Variants in TOLLIP observed in about 807,000 individuals in gnomAD.
The protein encoded by TOLLIP is toll-interacting protein.
Under a neutral mutation model 33.5 loss-of-function variants are expected in TOLLIP, and 16 were observed. That is an observed-to-expected ratio of 0.48 (90% CI 0.32 to 0.72). TOLLIP has a LOEUF of 0.72. TOLLIP is among the 30% of genes least tolerant of loss of function. The pLI, the probability that TOLLIP is intolerant of heterozygous loss-of-function variation, is 0.03. For missense variants in TOLLIP, 325 were observed against 396.6 expected (o/e 0.82, Z 1.53); for synonymous variants, 176 against 163.7 (o/e 1.07, Z -0.57).
chr11:1,279,654 C>T (rs1218972106), intron 5 of TOLLIP, among the ~76,000 whole-genome samples: 1 of 152,248 alleles, frequency 6.6e-6, no homozygotes, highest in Non-Finnish European at 1.5e-5. Context: ...ATGTGCAGCA[C>T]AGGACAGGCC....
intron 1 of TOLLIP, among the ~76,000 whole-genome samples, chr11:1,299,106 C>T (rs1564978221): frequency 1.3e-5 from 2 of 152,230 alleles, no homozygotes; most frequent in Admixed American, 6.5e-5. Flanking sequence ...GAGCGTCGGC[C>T]AGGGGACATG....
chr11:1,304,749 C>T (rs1301552547), intron 1 of TOLLIP, among the ~76,000 whole-genome samples: 1 of 152,120 alleles, frequency 6.6e-6, no homozygotes, highest in African/African-American at 2.4e-5. Context: ...TGAGATAAAA[C>T]AACTGAATTT....
rs1283488472 is a variant in TOLLIP at position 1,303,384 on chromosome 11, G to C, written c.33+6082C>G. On this transcript the variant is annotated intron_variant, in intron 1 of 5. Coordinates refer to ENST00000317204, the MANE Select transcript of TOLLIP (RefSeq NM_019009.4). The surrounding 1 kb of genome is among the most constrained non-coding windows in gnomAD (Gnocchi z 4.2). ...GGCAGGCCCTGGGCGCCGGGCACAG[G>C]GCGCGCGCTGCGGCAGCCTCTGCGT... is the stretch of plus-strand genomic sequence containing the variant. 2.0e-5 allele frequency among the ~76,000 whole-genome samples: 3 copies of C among 152,192 alleles called. No homozygotes were observed. Among genetic ancestry groups the C allele is most frequent in the African/African-American group, 4.8e-5 (2 of 41,462 alleles).
At position 1,275,008 on chromosome 11, in the gene TOLLIP, T is replaced by C. The variant is rs1012522996; in HGVS notation, c.*2031A>G. 1 of 152,146 alleles carries C rather than the reference T, an allele frequency of 6.6e-6. No individual in the cohort carries two copies. Among genetic ancestry groups the C allele is most frequent in the African/African-American group, 2.4e-5 (1 of 41,434 alleles). The allele number at this position is 152,146 out of a possible 1,614,324, so 9.4% of individuals were successfully genotyped here. On this transcript the variant is annotated 3_prime_UTR_variant, in exon 6 of 6. Transcript: ENST00000317204. ...TAAAATGAAGGAAAGAAGAATCTTA[T>C]TTAATTAAAGGCCTTGCAAAATGTG... is the stretch of plus-strand genomic sequence containing the variant.
chr11:1,276,878 C>T lies in TOLLIP; in HGVS notation c.*161G>A. The T allele has an allele frequency of 1.3e-6, 2 of 1,546,096 alleles. No homozygotes were observed. The highest frequency in any genetic ancestry group is 1.7e-6 in the Non-Finnish European group (2 of 1,151,568). On this transcript the variant is annotated 3_prime_UTR_variant, in exon 6 of 6. Transcript: ENST00000317204. ...TGGACCGCCAGGAACCGAAAACCCA[C>T]ATGCACCCAAGAACAGGTGTGGACG... is the stretch of plus-strand genomic sequence containing the variant.
In TOLLIP at chr11:1,309,471, C is replaced by A. The variant is rs776907739; in HGVS notation, c.28G>T (p.Gly10Trp). ...CCCTCGCCCGGCTGCCTCACCGGCC[C>A]GCGCTGAGTGCTGACGGTGGTCGCC... MATTVSTQRGPVYIGELPQD... is the reference protein window; with the variant it reads MATTVSTQRWPVYIGELPQD... Residue 10 changes from glycine to tryptophan, a missense_variant, in exon 1 of 6, where the codon GGG becomes TGG. Gly to Trp is a radical substitution (Grantham distance 184, BLOSUM62 -2). Transcript: ENST00000317204. The A allele has an allele frequency of 7.5e-7, 1 of 1,333,948 alleles. No homozygotes were observed. Among genetic ancestry groups the A allele is most frequent in the South Asian group, 1.7e-5 (1 of 57,684 alleles). The allele number at this position is 1,333,948 out of a possible 1,614,324, so 82.6% of individuals were successfully genotyped here.
intron 5 of TOLLIP, among the ~76,000 whole-genome samples, chr11:1,282,938 A>AAAAT (rs1036005626): frequency 3.2e-4 from 48 of 151,982 alleles, no homozygotes; most frequent in Non-Finnish European, 5.7e-4. Context: ...AAATATAATT[A>AAAAT]AAATAAATAA....
At chr11:1,309,366 AG>A (rs1864525173) in intron 1 of TOLLIP, 99 bp downstream of exon 1, 2 of 651,476 alleles carry the variant, frequency 3.1e-6, no homozygotes, top group Non-Finnish European at 4.2e-6. Flanking sequence ...AGAGCCGCGG[AG>A]TCGGCCCGCC....
Position 1,282,424 on chromosome 11 carries a change from A to G in TOLLIP, c.610+3578T>C, listed in dbSNP as rs546581631. Among the ~76,000 whole-genome samples the G allele has an allele frequency of 3.4e-4, 52 of 152,270 alleles. 1 individual carries two copies. The highest frequency in any genetic ancestry group is 1.3e-3 in the Admixed American group (20 of 15,288). On this transcript the variant is annotated intron_variant, in intron 5 of 5. Coordinates refer to ENST00000317204, the MANE Select transcript of TOLLIP (RefSeq NM_019009.4). ...AACATGGCACACGGATACATATGTA[A>G]CAAACCTGCACATTGCGCACATGTA...
At chr11:1,304,793 TGA>T (rs1864381680) in intron 1 of TOLLIP, among the ~76,000 whole-genome samples, 2 of 151,408 alleles carry the variant, frequency 1.3e-5, no homozygotes, top group Admixed American at 1.3e-4. Context: ...CAAAAGGCAA[TGA>T]GAGAAAAAAA....
Position 1,309,534 on chromosome 11 carries a change from C to G in TOLLIP, c.-36G>C, listed in dbSNP as rs1312782434. ...CGGCCCCCGTGGCTCGCCGACCCGACAGTGACGCGCCGGGCGACCTCCTGC... is the reference window on the plus strand; with the variant it reads ...CGGCCCCCGTGGCTCGCCGACCCGAGAGTGACGCGCCGGGCGACCTCCTGC... On this transcript the variant is annotated 5_prime_UTR_variant, in exon 1 of 6. Transcript: ENST00000317204. The G allele has an allele frequency of 2.4e-6, 3 of 1,271,944 alleles. No homozygotes were observed. The African/African-American group carries it at 4.7e-5, about 20-fold the overall frequency. 78.8% of individuals were successfully genotyped at this position (1,271,944 alleles called of 1,614,324 possible). A position where few individuals can be genotyped will look rare whatever the true frequency, so the allele number is the denominator to read the frequency against.
chr11:1,302,693 C>T (rs1864318599), intron 1 of TOLLIP: 1 of 986,078 alleles, frequency 1.0e-6, no homozygotes, highest in Admixed American at 6.1e-5. Flanking sequence ...ATGCTCCACG[C>T]CAGTCTCCTG....
rs1394083683 is a variant in TOLLIP, at chr11:1,275,586, A to AAG, written c.*1451_*1452dup. 1 of 152,168 alleles carries AAG rather than the reference A, an allele frequency of 6.6e-6. No individual in the cohort carries two copies. Among genetic ancestry groups the AAG allele is most frequent in the Non-Finnish European group, 1.5e-5 (1 of 68,030 alleles). 9.4% of individuals were successfully genotyped at this position (152,168 alleles called of 1,614,324 possible). A position where few individuals can be genotyped will look rare whatever the true frequency, so the allele number is the denominator to read the frequency against. ...CAAAGGCCTTTAGGACCCACAGCTG[A>AAG]AGAAGGCGCCTGCTGCCAGCATGTC... On this transcript the variant is annotated 3_prime_UTR_variant, in exon 6 of 6. Coordinates refer to ENST00000317204, the MANE Select transcript of TOLLIP (RefSeq NM_019009.4).
At position 1,276,721 on chromosome 11, in the gene TOLLIP, G is replaced by C. The variant is rs1564961777; in HGVS notation, c.*318C>G. 3 of 1,440,190 alleles carry C rather than the reference G, an allele frequency of 2.1e-6. No homozygotes were observed. Among genetic ancestry groups the C allele is most frequent in the Non-Finnish European group, 2.8e-6 (3 of 1,085,620 alleles). The allele number at this position is 1,440,190 out of a possible 1,614,324, so 89.2% of individuals were successfully genotyped here. Reference sequence around the variant, plus strand: ...GCGCTCCACCACCTCCAACACCCTGGCAGAAGCAGCTGCTCTCTACAGCAA... The same window carrying C: ...GCGCTCCACCACCTCCAACACCCTGCCAGAAGCAGCTGCTCTCTACAGCAA... On this transcript the variant is annotated 3_prime_UTR_variant, in exon 6 of 6. Transcript: ENST00000317204.
intron 5 of TOLLIP, among the ~76,000 whole-genome samples, chr11:1,279,417 G>A (rs1215396574): frequency 2.6e-5 from 4 of 152,240 alleles, no homozygotes; most frequent in African/African-American, 7.2e-5. Flanking sequence ...CGGGAACGGT[G>A]AGCGTATGTG....
At chr11:1,302,539 C>G in intron 1 of TOLLIP, 1 of 976,800 alleles carries the variant, frequency 1.0e-6, no homozygotes. Context: ...GGCTCCCTCA[C>G]CCACCACCCT....
intron 1 of TOLLIP, 105 bp downstream of exon 1, chr11:1,309,361 C>G (rs1341511460): frequency 3.2e-6 from 2 of 631,134 alleles, no homozygotes; most frequent in Admixed American, 4.7e-5. Flanking sequence ...CCGGGAGAGC[C>G]GCGGAGTCGG....
chr11:1,304,844 CAT>C (rs1361466167), intron 1 of TOLLIP, among the ~76,000 whole-genome samples: 1 of 152,132 alleles, frequency 6.6e-6, no homozygotes, highest in Non-Finnish European at 1.5e-5. Flanking sequence ...CCAAAGAAAA[CAT>C]GTAAAAAATC....
Position 1,294,305 on chromosome 11 carries a change from A to G in TOLLIP, c.183+1340T>C, listed in dbSNP as rs57461270. 5.9e-3 allele frequency among the ~76,000 whole-genome samples: 334 copies of G among 56,388 alleles called. 3 individuals carry two copies. Among genetic ancestry groups the G allele is most frequent in the Admixed American group, 0.014 (65 of 4,788 alleles). The allele number at this position is 56,388 out of a possible 152,430, so 37.0% of individuals were successfully genotyped here. ...TTCTACGAAAGCCCGCGTGGCTCAC[A>G]GTGTGTCTCCTTTCCCTGCATTTCT... On this transcript the variant is annotated intron_variant, in intron 2 of 5. Coordinates refer to ENST00000317204, the MANE Select transcript of TOLLIP (RefSeq NM_019009.4).
Sources: allele counts gnomAD v4.1 joint callset (sites outside exome capture counted in the v4.1 genomes callset), GRCh38; gene constraint gnomAD v4.1.1; non-coding constraint Gnocchi (gnomAD v3.1); transcripts MANE v1.5; gene names NCBI Gene and HGNC (gene_info 2026-07-23, HGNC 2026-07-21).